CDKN2B-AS1: variants seen among roughly 807,000 people sequenced by gnomAD.
The protein encoded by CDKN2B-AS1 is CDKN2B antisense RNA 1 (non-protein coding).
chr9:22,062,865 G>A (rs1018529662), intron 4 of CDKN2B-AS1, among the ~76,000 whole-genome samples: 13 of 151,874 alleles, frequency 8.6e-5, no homozygotes, highest in Admixed American at 5.3e-4. Context: ...TGAATTGGGC[G>A]AAGCAGAGGG....
rs1338629533 is a variant in CDKN2B-AS1, at chr9:22,000,355, ATCTT to A, written n.29+5198_29+5201del. Among the ~76,000 whole-genome samples the A allele has an allele frequency of 6.6e-6, 1 of 152,340 alleles. No individual in the cohort carries two copies. Among genetic ancestry groups the A allele is most frequent in the Admixed American group, 6.5e-5 (1 of 15,306 alleles). On this transcript the variant is annotated intron_variant and non_coding_transcript_variant, in intron 1 of 4. Transcript: ENST00000650946. The surrounding 1 kb of genome is among the most constrained non-coding windows in gnomAD (Gnocchi z 4.1). The stretch of plus-strand genomic sequence containing the variant: ...TTCCCTAGAAAGGGGACGACCTTAA[ATCTT>A]TCTGTTTATGGTGGTATTTAAACAT...
At chr9:22,059,243 A>G (rs1389293864) in intron 4 of CDKN2B-AS1, among the ~76,000 whole-genome samples, 1 of 152,246 alleles carries the variant, frequency 6.6e-6, no homozygotes, top group South Asian at 2.1e-4. Context: ...CCTTCTGCCT[A>G]TGAGCCTGTA....
intron 4 of CDKN2B-AS1, among the ~76,000 whole-genome samples, chr9:22,079,687 C>G (rs554533253): frequency 6.6e-6 from 1 of 152,038 alleles, no homozygotes; most frequent in East Asian, 1.9e-4. Flanking sequence ...CGAGTGTTTC[C>G]TTTTTTTCAG....
At chr9:22,036,601 C>G (rs1479406004) in intron 1 of CDKN2B-AS1, among the ~76,000 whole-genome samples, 1 of 152,032 alleles carries the variant, frequency 6.6e-6, no homozygotes. Context: ...TTGTATTCCC[C>G]TATTAATATA....
At chr9:22,017,996 G>A (rs1762096271) in intron 1 of CDKN2B-AS1, among the ~76,000 whole-genome samples, 2 of 152,182 alleles carry the variant, frequency 1.3e-5, no homozygotes, top group South Asian at 4.1e-4. Flanking sequence ...TGCTATTATA[G>A]ATGGAATATC....
chr9:22,021,248 A>G (rs747269080), intron 1 of CDKN2B-AS1, among the ~76,000 whole-genome samples: 12 of 151,352 alleles, frequency 7.9e-5, no homozygotes, highest in Non-Finnish European at 1.5e-4. Context: ...GCTTTTTTTT[A>G]TGTTCTTAAC....
At chr9:22,093,127 A>G (rs1009033159) in intron 4 of CDKN2B-AS1, among the ~76,000 whole-genome samples, 2 of 150,616 alleles carry the variant, frequency 1.3e-5, no homozygotes, top group African/African-American at 4.9e-5. Context: ...CATGTAGGTG[A>G]GCGGTTTTGA....
chr9:22,016,416 A>C (rs553095360), intron 1 of CDKN2B-AS1, among the ~76,000 whole-genome samples: 5 of 152,212 alleles, frequency 3.3e-5, no homozygotes, highest in African/African-American at 1.2e-4. Flanking sequence ...CAAGCTGCCA[A>C]TGACTTTCTT....
intron 1 of CDKN2B-AS1, among the ~76,000 whole-genome samples, chr9:22,017,027 T>A (rs1254299391): frequency 6.6e-6 from 1 of 152,264 alleles, no homozygotes; most frequent in Non-Finnish European, 1.5e-5. Flanking sequence ...ATTTCTGGTA[T>A]GACAATATAT....
intron 1 of CDKN2B-AS1, among the ~76,000 whole-genome samples, chr9:22,033,992 G>A (rs549399671): frequency 3.3e-5 from 5 of 152,282 alleles, no homozygotes; most frequent in African/African-American, 1.2e-4. Flanking sequence ...ACCCAAGTAT[G>A]CTTGATTCCC....
intron 4 of CDKN2B-AS1, among the ~76,000 whole-genome samples, chr9:22,100,674 A>G (rs768508410): frequency 2.0e-5 from 3 of 152,092 alleles, no homozygotes; most frequent in East Asian, 1.9e-4. Flanking sequence ...CCTTGGGTAG[A>G]CACCTAGAAG....
intron 1 of CDKN2B-AS1, among the ~76,000 whole-genome samples, chr9:22,011,996 T>G (rs1182279701): frequency 6.6e-6 from 1 of 152,190 alleles, no homozygotes; most frequent in Non-Finnish European, 1.5e-5. Flanking sequence ...AGGGAATGAG[T>G]GGCATCCATT....
chr9:22,055,648 G>T (rs1823529383), intron 3 of CDKN2B-AS1, among the ~76,000 whole-genome samples: 1 of 152,146 alleles, frequency 6.6e-6, no homozygotes, highest in African/African-American at 2.4e-5. Context: ...TTTATAGAGG[G>T]CCAGGAATAT....
intron 4 of CDKN2B-AS1, among the ~76,000 whole-genome samples, chr9:22,076,411 AG>A (rs1259086536): frequency 1.3e-5 from 2 of 152,226 alleles, no homozygotes; most frequent in Non-Finnish European, 2.9e-5. Context: ...AGCAAAGAAC[AG>A]GGTTGTCTAA....
chr9:22,050,187 A>C (rs1277760782), intron 3 of CDKN2B-AS1, among the ~76,000 whole-genome samples: 3 of 152,234 alleles, frequency 2.0e-5, no homozygotes, highest in Non-Finnish European at 4.4e-5. Flanking sequence ...TGTACCTTCC[A>C]TAGCACTTAG....
chr9:22,051,544 A>G (rs186819177), intron 3 of CDKN2B-AS1, among the ~76,000 whole-genome samples: 2 of 152,260 alleles, frequency 1.3e-5, no homozygotes, highest in Non-Finnish European at 2.9e-5. Flanking sequence ...TTTTCTTCCA[A>G]AGGCAGTTAT....
At chr9:22,015,236 A>C (rs946968903) in intron 1 of CDKN2B-AS1, among the ~76,000 whole-genome samples, 3 of 152,128 alleles carry the variant, frequency 2.0e-5, no homozygotes, top group Non-Finnish European at 4.4e-5. Context: ...ACAGTGTAAA[A>C]GTGTTCCTAT....
intron 4 of CDKN2B-AS1, among the ~76,000 whole-genome samples, chr9:22,092,730 T>G (rs983272648): frequency 1.3e-5 from 2 of 152,300 alleles, no homozygotes; most frequent in East Asian, 1.9e-4. Context: ...TTTATTAATC[T>G]TGCTAGTGGT....
intron 3 of CDKN2B-AS1, among the ~76,000 whole-genome samples, chr9:22,050,219 C>T (rs76229015): frequency 1.3e-5 from 2 of 152,280 alleles, no homozygotes; most frequent in African/African-American, 4.8e-5. Context: ...TTTCCTATGA[C>T]CTTTTCTATA....
Sources: gnomAD v4.1 joint callset for allele counts (sites outside exome capture counted in the v4.1 genomes callset) on GRCh38, gnomAD v4.1.1 for gene constraint, Gnocchi (gnomAD v3.1) non-coding constraint, MANE v1.5 for transcripts, NCBI Gene and HGNC (gene_info 2026-07-23, HGNC 2026-07-21) for gene names.